The following HIVEP3 variants were observed in gnomAD, a reference collection of about 807,000 sequenced individuals.
HIVEP3 encodes the protein HIVEP zinc finger 3.
A neutral mutation model predicts 152.8 loss-of-function variants in HIVEP3; 49 were observed. That is an observed-to-expected ratio of 0.32 (90% CI 0.26 to 0.41). The LOEUF (loss-of-function observed/expected upper bound fraction) is 0.41, where lower values mean the gene tolerates loss of function less well. HIVEP3 is among the 10% of genes least tolerant of loss of function. The pLI is 1.00. For synonymous variants in HIVEP3, 1,269 were observed against 1,289.0 expected, an observed-to-expected ratio of 0.98 and a Z score of 0.33; for missense variants, 2,790 against 3,103.3, an observed-to-expected ratio of 0.90 and a Z score of 2.40.
intron 6 of HIVEP3, among the ~76,000 whole-genome samples, chr1:41,521,949 G>A (rs1642770193): frequency 6.6e-6 from 1 of 152,202 alleles, no homozygotes; most frequent in Non-Finnish European, 1.5e-5. Context: ...CCACCCACAG[G>A]CCTCCCCAGC....
intron 2 of HIVEP3, among the ~76,000 whole-genome samples, chr1:41,633,318 A>C (rs555716797): frequency 1.2e-3 from 188 of 152,294 alleles, no homozygotes; most frequent in African/African-American, 4.4e-3. Flanking sequence ...CAGGAAATCT[A>C]ATCAGAGCGA....
At chr1:41,855,509 AAAAC>A (rs1253852684) in intron 1 of HIVEP3, among the ~76,000 whole-genome samples, 3 of 152,172 alleles carry the variant, frequency 2.0e-5, no homozygotes, top group African/African-American at 7.2e-5. Flanking sequence ...TTACAAGAAA[AAAAC>A]AAACAACCCC....
At position 41,882,303 on chromosome 1, in the gene HIVEP3, C is replaced by A. The variant is rs1405387871; in HGVS notation, c.-801+36110G>T. Among the ~76,000 whole-genome samples, 3 of 152,136 alleles carry A rather than the reference C, an allele frequency of 2.0e-5. No homozygotes were observed. In the East Asian group the frequency reaches 5.8e-4, roughly 29 times the overall value. On this transcript the variant is annotated intron_variant, in intron 1 of 8. Coordinates refer to ENST00000372583, the MANE Select transcript of HIVEP3 (RefSeq NM_024503.5). ...GGAGGGAAAAGGATCGTAAAGACTG[C>A]CCCTATGTCTGCCTGACACTTTCTG...
intron 1 of HIVEP3, among the ~76,000 whole-genome samples, chr1:41,737,115 C>T (rs1381335036): frequency 2.0e-5 from 3 of 152,186 alleles, no homozygotes; most frequent in Non-Finnish European, 2.9e-5. Flanking sequence ...TGGGAGTGCC[C>T]ACTCATGAAC....
In HIVEP3 at chr1:41,918,799, A is replaced by G. The variant is rs1048118803; in HGVS notation, c.-1187T>C. 1 of 152,178 alleles carries G rather than the reference A, an allele frequency of 6.6e-6. No homozygotes were observed. The highest frequency in any genetic ancestry group is 2.4e-5 in the African/African-American group (1 of 41,432). 9.4% of individuals were successfully genotyped at this position (152,178 alleles called of 1,614,324 possible). A position where few individuals can be genotyped will look rare whatever the true frequency, so the allele number is the denominator to read the frequency against. On this transcript the variant is annotated 5_prime_UTR_variant, in exon 1 of 9. Coordinates refer to ENST00000372583, the MANE Select transcript of HIVEP3 (RefSeq NM_024503.5). This position sits in a 1 kb window ranked among gnomAD's most constrained non-coding sequence, Gnocchi z 4.3. ...AACCCAAACAGAAGCATCCCTCTTG[A>G]ATTCGTGCTGCTGAAAAACACGGAA...
intron 5 of HIVEP3, among the ~76,000 whole-genome samples, chr1:41,558,540 G>T (rs988287940): frequency 7.2e-5 from 11 of 152,194 alleles, no homozygotes; most frequent in Admixed American, 6.5e-5. Context: ...TTGTGACAGG[G>T]TAGCTCCTCT....
intron 3 of HIVEP3, among the ~76,000 whole-genome samples, chr1:41,597,283 T>C (rs1053917953): frequency 2.0e-5 from 3 of 152,160 alleles, no homozygotes; most frequent in African/African-American, 7.2e-5. Context: ...GACATCCCCA[T>C]AGAAAGCAAA....
chr1:41,774,846 A>G (rs1307263111), intron 1 of HIVEP3, among the ~76,000 whole-genome samples: 1 of 150,846 alleles, frequency 6.6e-6, no homozygotes, highest in Non-Finnish European at 1.5e-5. Flanking sequence ...ACTAGGCTGG[A>G]GTGCAGTGGC....
At chr1:42,025,396 AC>A (rs1171475211) in intron 1 of HIVEP3, among the ~76,000 whole-genome samples, 1 of 152,244 alleles carries the variant, frequency 6.6e-6, no homozygotes, top group Non-Finnish European at 1.5e-5. Flanking sequence ...TTTAATTGTT[AC>A]CCATTCCATG....
At chr1:41,966,283 G>C (rs1645197113) in intron 1 of HIVEP3, among the ~76,000 whole-genome samples, 1 of 151,988 alleles carries the variant, frequency 6.6e-6, no homozygotes, top group Non-Finnish European at 1.5e-5. Flanking sequence ...ACACACTGAA[G>C]TACACAGACC....
At chr1:42,016,853 T>C (rs1252377085) in intron 1 of HIVEP3, among the ~76,000 whole-genome samples, 1 of 152,178 alleles carries the variant, frequency 6.6e-6, no homozygotes, top group Non-Finnish European at 1.5e-5. Flanking sequence ...TTCGATATTA[T>C]AAAAATGCTT....
intron 1 of HIVEP3, among the ~76,000 whole-genome samples, chr1:41,747,492 T>C (rs753083181): frequency 2.6e-5 from 4 of 152,216 alleles, no homozygotes; most frequent in Admixed American, 2.0e-4. Flanking sequence ...AAATAGTACA[T>C]ACTGTGAAAA....
chr1:42,015,348 G>C (rs116671337), intron 1 of HIVEP3, among the ~76,000 whole-genome samples: 342 of 152,204 alleles, frequency 2.2e-3, no homozygotes, highest in African/African-American at 7.8e-3. Flanking sequence ...TACATTCCAG[G>C]GCCTTACTCA....
intron 1 of HIVEP3, among the ~76,000 whole-genome samples, chr1:41,791,121 TAC>T (rs60729364): frequency 0.25 from 35,518 of 140,446 alleles, 5,192 homozygotes; most frequent in Non-Finnish European, 0.35. Flanking sequence ...CACACATGTG[TAC>T]ACACACACAC....
At chr1:41,563,839 G>A (rs1644121030) in intron 5 of HIVEP3, among the ~76,000 whole-genome samples, 1 of 152,094 alleles carries the variant, frequency 6.6e-6, no homozygotes. Flanking sequence ...GCCTTAGAGA[G>A]ATAAGATAGT....
chr1:41,894,696 G>A (rs976344690), intron 1 of HIVEP3, among the ~76,000 whole-genome samples: 21 of 152,122 alleles, frequency 1.4e-4, no homozygotes, highest in Admixed American at 2.0e-4. Context: ...TTCAAATATC[G>A]TGGCTCAACA....
chr1:41,787,341 T>C (rs930550837), intron 1 of HIVEP3, among the ~76,000 whole-genome samples: 2 of 152,104 alleles, frequency 1.3e-5, no homozygotes, highest in Non-Finnish European at 2.9e-5. Context: ...TAAATGTAAA[T>C]GTAAATGAAA....
At position 41,508,947 on chromosome 1, in the gene HIVEP3, C is replaced by T. The variant is rs1644411874; in HGVS notation, c.*1504G>A. Reference sequence around the variant, plus strand: ...TCAGTTCTGAAACACTGGGAAAAAGCTCACCTCTCCCAGTTGGGGCGAACA... The same window carrying T: ...TCAGTTCTGAAACACTGGGAAAAAGTTCACCTCTCCCAGTTGGGGCGAACA... On this transcript the variant is annotated 3_prime_UTR_variant, in exon 9 of 9. Coordinates refer to ENST00000372583, the MANE Select transcript of HIVEP3 (RefSeq NM_024503.5). The T allele has an allele frequency of 6.6e-6, 1 of 152,252 alleles. No homozygotes were observed. Among genetic ancestry groups the T allele is most frequent in the Admixed American group, 6.5e-5 (1 of 15,284 alleles). 9.4% of individuals were successfully genotyped at this position (152,252 alleles called of 1,614,324 possible).
intron 1 of HIVEP3, among the ~76,000 whole-genome samples, chr1:41,816,550 G>A (rs1425872092): frequency 6.6e-6 from 1 of 152,076 alleles, no homozygotes; most frequent in Non-Finnish European, 1.5e-5. Flanking sequence ...AGCCAGGCAT[G>A]GTGGCGTAAT....
Sources: gnomAD v4.1 joint callset for allele counts (sites outside exome capture counted in the v4.1 genomes callset) on GRCh38, gnomAD v4.1.1 for gene constraint, Gnocchi (gnomAD v3.1) non-coding constraint, MANE v1.5 for transcripts, NCBI Gene and HGNC (gene_info 2026-07-23, HGNC 2026-07-21) for gene names.